The following ATRNL1 variants were observed in gnomAD, a reference collection of about 807,000 sequenced individuals.
The protein encoded by ATRNL1 is attractin-like protein 1.
ATRNL1 carries 95 observed loss-of-function variants against 182.7 expected under a neutral mutation model. That is an observed-to-expected ratio of 0.52 (90% CI 0.44 to 0.62). The LOEUF (loss-of-function observed/expected upper bound fraction) is 0.62, where lower values mean the gene tolerates loss of function less well. Ranked by LOEUF, ATRNL1 falls within the 20% of genes least tolerant of loss-of-function variation. The pLI, the probability that ATRNL1 is intolerant of heterozygous loss-of-function variation, is 0.00. For missense variants in ATRNL1, 1,471 were observed against 1,679.5 expected (o/e 0.88, Z 2.17); for synonymous variants, 576 against 568.3 (o/e 1.01, Z -0.19).
chr10:115,101,448 G>T (rs1328824257), intron 1 of ATRNL1, among the ~76,000 whole-genome samples: 4 of 151,954 alleles, frequency 2.6e-5, no homozygotes, highest in South Asian at 4.2e-4. Flanking sequence ...TGCATTTTCT[G>T]TGCCCATTGA....
intron 1 of ATRNL1, among the ~76,000 whole-genome samples, chr10:115,095,763 C>T (rs1178717835): frequency 6.6e-6 from 1 of 151,966 alleles, no homozygotes; most frequent in African/African-American, 2.4e-5. Context: ...CTTTACCTAG[C>T]AAGAGAGAAT....
intron 28 of ATRNL1, among the ~76,000 whole-genome samples, chr10:115,886,996 C>T (rs1951959888): frequency 6.6e-6 from 1 of 152,176 alleles, no homozygotes; most frequent in African/African-American, 2.4e-5. Context: ...TGCAGTAGTA[C>T]ATTCGTTCTA....
At chr10:115,796,948 C>T (rs1055405961) in intron 27 of ATRNL1, among the ~76,000 whole-genome samples, 1 of 152,014 alleles carries the variant, frequency 6.6e-6, no homozygotes, top group African/African-American at 2.4e-5. Context: ...TTCTTTCTTC[C>T]ATTTTCATAA....
intron 9 of ATRNL1, among the ~76,000 whole-genome samples, chr10:115,218,150 A>G (rs1380159590): frequency 1.3e-5 from 2 of 151,816 alleles, no homozygotes; most frequent in Non-Finnish European, 2.9e-5. Context: ...AATAAGTGAG[A>G]ATCCTGGGCT....
chr10:115,602,589 C>T (rs980050894), intron 26 of ATRNL1, among the ~76,000 whole-genome samples: 6 of 152,112 alleles, frequency 3.9e-5, no homozygotes, highest in Admixed American at 6.5e-5. Context: ...CATGGCCGGG[C>T]GCAGTGGCTC....
chr10:115,337,936 G>A (rs1482265774), intron 19 of ATRNL1, among the ~76,000 whole-genome samples: 5 of 152,140 alleles, frequency 3.3e-5, no homozygotes, highest in African/African-American at 1.2e-4. Flanking sequence ...ATTCTCATAA[G>A]GAGTGCGTAG....
At chr10:115,768,127 T>C (rs1948901672) in intron 27 of ATRNL1, among the ~76,000 whole-genome samples, 1 of 152,158 alleles carries the variant, frequency 6.6e-6, no homozygotes, top group African/African-American at 2.4e-5. Flanking sequence ...ATTTGTGTGC[T>C]ACCTCTTCCA....
At chr10:115,462,080 A>ATT in intron 22 of ATRNL1, 45 bp downstream of exon 22, 1 of 1,397,944 alleles carries the variant, frequency 7.2e-7, no homozygotes, top group Non-Finnish European at 9.8e-7. Context: ...ATTGGACACA[A>ATT]TTTTTTTTTC....
At chr10:115,303,876 T>G (rs894991574) in intron 17 of ATRNL1, among the ~76,000 whole-genome samples, 5 of 151,962 alleles carry the variant, frequency 3.3e-5, no homozygotes, top group Non-Finnish European at 5.9e-5. Context: ...AACTCAGGAA[T>G]ATGTTGTGGT....
At chr10:115,325,022 T>A (rs936207243) in intron 18 of ATRNL1, among the ~76,000 whole-genome samples, 3 of 152,230 alleles carry the variant, frequency 2.0e-5, no homozygotes, top group Admixed American at 1.3e-4. Context: ...TGTATATTTT[T>A]AAAATTTATT....
At chr10:115,837,205 G>A (rs145261468) in intron 27 of ATRNL1, among the ~76,000 whole-genome samples, 1 of 152,114 alleles carries the variant, frequency 6.6e-6, no homozygotes, top group East Asian at 1.9e-4. Flanking sequence ...AGACCTAAAG[G>A]AATGCTACAC....
At chr10:115,573,880 T>C (rs1284292866) in intron 26 of ATRNL1, among the ~76,000 whole-genome samples, 1 of 152,124 alleles carries the variant, frequency 6.6e-6, no homozygotes, top group East Asian at 1.9e-4. Flanking sequence ...GACAGTACCA[T>C]TGCTTTCAAA....
At chr10:115,462,510 G>T (rs371697619) in intron 22 of ATRNL1, among the ~76,000 whole-genome samples, 16 of 151,924 alleles carry the variant, frequency 1.1e-4, no homozygotes, top group African/African-American at 3.4e-4. Flanking sequence ...TACTGAGGAG[G>T]CTGAGGCAGG....
At chr10:115,389,546 A>ATATATATG (rs1843878184) in intron 19 of ATRNL1, among the ~76,000 whole-genome samples, 8 of 16,398 alleles carry the variant, frequency 4.9e-4, no homozygotes, top group African/African-American at 1.3e-3. Context: ...ATGTGTATAT[A>ATATATATG]TATATATATA....
At chr10:115,148,709 G>A (rs1400640866) in intron 5 of ATRNL1, among the ~76,000 whole-genome samples, 3 of 147,046 alleles carry the variant, frequency 2.0e-5, no homozygotes, top group Admixed American at 6.8e-5. Context: ...AGAGAGTGGT[G>A]TTCCGAATGG....
intron 27 of ATRNL1, among the ~76,000 whole-genome samples, chr10:115,782,771 C>T (rs1006334274): frequency 6.6e-6 from 1 of 152,104 alleles, no homozygotes; most frequent in African/African-American, 2.4e-5. Context: ...TGAATGGTGA[C>T]TTTTAACATA....
chr10:115,256,343 A>G (rs1240436277), intron 10 of ATRNL1, among the ~76,000 whole-genome samples: 1 of 150,542 alleles, frequency 6.6e-6, no homozygotes, highest in Non-Finnish European at 1.5e-5. Context: ...CAGAGATTCA[A>G]CTTCTTCCTG....
chr10:115,646,718 T>C (rs1859637864), intron 26 of ATRNL1, among the ~76,000 whole-genome samples: 2 of 152,076 alleles, frequency 1.3e-5, no homozygotes, highest in African/African-American at 2.4e-5. Flanking sequence ...TATATATTCA[T>C]GTATGTGTAT....
chr10:115,199,064 A>T (rs1407761139), intron 8 of ATRNL1, among the ~76,000 whole-genome samples: 1 of 152,052 alleles, frequency 6.6e-6, no homozygotes, highest in African/African-American at 2.4e-5. Flanking sequence ...TGTGGTAGGG[A>T]TTGCTCTGAA....
Sources: allele counts gnomAD v4.1 joint callset (sites outside exome capture counted in the v4.1 genomes callset), GRCh38; gene constraint gnomAD v4.1.1; transcripts MANE v1.5; gene names NCBI Gene and HGNC (gene_info 2026-07-23, HGNC 2026-07-21).